Variants in HAVCR2 observed in about 807,000 individuals in gnomAD.
HAVCR2 encodes T cell immunoglobulin mucin 3.
Under a neutral mutation model 24.7 loss-of-function variants are expected in HAVCR2, and 13 were observed. The ratio of observed to expected loss-of-function variants is 0.53; its 90% confidence interval spans 0.34 to 0.84. HAVCR2 has a LOEUF of 0.84. Among genes scored for constraint, HAVCR2 ranks in the 40% least tolerant of loss-of-function variants. HAVCR2 has a pLI of 0.01. For missense variants in HAVCR2, 343 were observed against 371.2 expected (o/e 0.92, Z 0.62); for synonymous variants, 154 against 143.4 (o/e 1.07, Z -0.53).
At chr5:157,107,868 C>G (rs539709777) in intron 1 of HAVCR2, among the ~76,000 whole-genome samples, 33 of 149,780 alleles carry the variant, frequency 2.2e-4, no homozygotes, top group African/African-American at 6.1e-4. Context: ...TGCCCCCCCC[C>G]CTTTTTTATG....
chr5:157,087,356 A>G (rs1444301324), intron 6 of HAVCR2, 62 bp from the exon 7 acceptor site: 2 of 1,415,392 alleles, frequency 1.4e-6, no homozygotes, highest in East Asian at 4.7e-5. Flanking sequence ...AATAGAGTTA[A>G]GAGAATAGGC....
intron 5 of HAVCR2, among the ~76,000 whole-genome samples, chr5:157,091,173 G>A (rs759084088): frequency 2.6e-5 from 4 of 152,178 alleles, no homozygotes; most frequent in African/African-American, 9.6e-5. Context: ...GGCTGGGAAC[G>A]GTGGCTCACG....
intron 6 of HAVCR2, 68 bp from the exon 7 acceptor site, chr5:157,087,362 T>G: frequency 7.3e-7 from 1 of 1,367,674 alleles, no homozygotes; most frequent in Non-Finnish European, 1.0e-6. Context: ...GTTAAGAGAA[T>G]AGGCTTTCCC....
In HAVCR2 at chr5:157,087,163, C is replaced by A. The variant is rs576858926; in HGVS notation, c.845G>T (p.Cys282Phe). Residue 282 changes from cysteine to phenylalanine, a missense_variant, in exon 7 of 7, where the codon TGC (cysteine) becomes TTC (phenylalanine). Cys to Phe is a radical substitution (Grantham distance 205). Coordinates refer to ENST00000307851, the MANE Select transcript of HAVCR2 (RefSeq NM_032782.5). ...YEVEEPNEYY[C>F]YVSSRQQPSQ... is the part of the protein sequence containing the mutation. ...GGGTTGCTGCCTGCTGCTGACATAG[C>A]AATAATACTCATTGGGCTCCTCCAC... 1 of 1,614,106 alleles carries A rather than the reference C, an allele frequency of 6.2e-7. No individual in the cohort carries two copies. The highest frequency in any genetic ancestry group is 1.3e-5 in the African/African-American group (1 of 75,058).
intron 5 of HAVCR2, among the ~76,000 whole-genome samples, chr5:157,090,933 T>A (rs1481039488): frequency 6.6e-6 from 1 of 152,070 alleles, no homozygotes; most frequent in Non-Finnish European, 1.5e-5. Flanking sequence ...AGCCTCAAAC[T>A]CCTGGGCTCA....
At chr5:157,099,976 G>A (rs1211919844) in intron 3 of HAVCR2, among the ~76,000 whole-genome samples, 4 of 152,202 alleles carry the variant, frequency 2.6e-5, no homozygotes, top group African/African-American at 9.6e-5. Flanking sequence ...GATTACAGGC[G>A]TGAGCCACCG....
chr5:157,099,402 A>G (rs1390846443), intron 3 of HAVCR2, among the ~76,000 whole-genome samples: 2 of 151,274 alleles, frequency 1.3e-5, no homozygotes, highest in Admixed American at 6.6e-5. Context: ...GACTACATGC[A>G]TGCACCACCA....
At position 157,087,255 on chromosome 5, in the gene HAVCR2, T is replaced by C; in HGVS notation, c.753A>G (p.Ala251=). 1 of 1,612,612 alleles carries C rather than the reference T, an allele frequency of 6.2e-7. No individual in the cohort carries two copies. Residue 251 remains alanine, a synonymous_variant, in exon 7 of 7, where the codon GCA becomes GCG. Transcript: ENST00000307851. The part of the protein sequence containing the change: ...SLANLPPSGL[A]NAVAEGIRSE... The stretch of plus-strand genomic sequence containing the variant: ...AGCGAATTCCCTCTGCTACTGCATT[T>C]GCCAATCCTGAGGGAGGGAGGTTGG...
chr5:157,095,712 A>AC (rs1336885916), intron 4 of HAVCR2, among the ~76,000 whole-genome samples: 4 of 151,254 alleles, frequency 2.6e-5, no homozygotes, highest in Non-Finnish European at 4.4e-5. Flanking sequence ...GCTCTTAAAA[A>AC]AAAAAAAAAA....
chr5:157,097,146 G>A (rs1287112519), intron 4 of HAVCR2, among the ~76,000 whole-genome samples: 3 of 152,060 alleles, frequency 2.0e-5, no homozygotes, highest in Non-Finnish European at 4.4e-5. Flanking sequence ...CTGTTTGATT[G>A]CAAAGAGAGA....
intron 5 of HAVCR2, among the ~76,000 whole-genome samples, chr5:157,092,650 T>C (rs1757021241): frequency 1.3e-5 from 2 of 151,372 alleles, no homozygotes; most frequent in African/African-American, 2.4e-5. Context: ...TTCTCCACGT[T>C]GGTCAGGCTG....
intron 5 of HAVCR2, among the ~76,000 whole-genome samples, chr5:157,095,070 T>A (rs548616018): frequency 1.5e-4 from 23 of 152,310 alleles, no homozygotes; most frequent in Non-Finnish European, 3.1e-4. Flanking sequence ...CTATTCCTTA[T>A]CTCATAAGAC....
Position 157,086,050 on chromosome 5 carries a change from C to T in HAVCR2, c.*1052G>A, listed in dbSNP as rs1047998948. The stretch of plus-strand genomic sequence containing the variant: ...AGAATTTGTGTCCCCGTCACTGCTT[C>T]TTCTTCTGTGAAAAATATAGCTTCA... On this transcript the variant is annotated 3_prime_UTR_variant, in exon 7 of 7. Coordinates refer to ENST00000307851, the MANE Select transcript of HAVCR2 (RefSeq NM_032782.5). 6.6e-6 allele frequency: 1 copy of T among 152,208 alleles called. No homozygotes were observed. The highest frequency in any genetic ancestry group is 1.5e-5 in the Non-Finnish European group (1 of 68,052). The allele number at this position is 152,208 out of a possible 1,614,324, so 9.4% of individuals were successfully genotyped here.
chr5:157,096,229 C>CA (rs386405404), intron 4 of HAVCR2, among the ~76,000 whole-genome samples: 68,230 of 90,954 alleles, frequency 0.75, 24,682 homozygotes, highest in East Asian at 0.89. Context: ...GACTCCATCT[C>CA]AAAAAAAAAA....
In HAVCR2 at chr5:157,089,009, T is replaced by G. The variant is rs375798988; in HGVS notation, c.677-32A>C. 52 of 1,580,064 alleles carry G rather than the reference T, an allele frequency of 3.3e-5. No individual in the cohort carries two copies. In the African/African-American group the frequency reaches 6.5e-4, roughly 20 times the overall value. The stretch of plus-strand genomic sequence containing the variant: ...AGGGGGAAACAAAAGCCAATAAAAA[T>G]GCATTCATAAAATAAATGAGACAAG... On this transcript the variant is annotated intron_variant, in intron 5 of 6. Coordinates refer to ENST00000307851, the MANE Select transcript of HAVCR2 (RefSeq NM_032782.5).
intron 5 of HAVCR2, 86 bp downstream of exon 5, chr5:157,095,220 A>G: frequency 7.0e-7 from 1 of 1,430,098 alleles, no homozygotes; most frequent in Non-Finnish European, 9.7e-7. Flanking sequence ...TTGGGTATAA[A>G]CATGAATTTG....
Position 157,106,779 on chromosome 5 carries a change from C to T in HAVCR2, c.242G>A (p.Arg81Lys). Residue 81 changes from arginine (R) to lysine (K), a missense_variant, in exon 2 of 7, where the codon AGA (arginine) becomes AAA (lysine). Transcript: ENST00000307851. ...DERDVNYWTS[R>K]YWLNGDFRKG... ...GCGGAAATCCCCATTTAGCCAGTAT[C>T]TGGATGTCCAATAATTCACATCCCT... The T allele has an allele frequency of 6.2e-7, 1 of 1,614,212 alleles. No individual in the cohort carries two copies. Among genetic ancestry groups the T allele is most frequent in the South Asian group, 1.1e-5 (1 of 91,086 alleles).
At chr5:157,098,941 C>A (rs777108346) in intron 3 of HAVCR2, 40 bp from the exon 4 acceptor site, 1 of 1,560,376 alleles carries the variant, frequency 6.4e-7, no homozygotes, top group Middle Eastern at 1.7e-4. Context: ...GGAAAAATAG[C>A]CAATAGTATA....
At chr5:157,106,993 C>A in intron 1 of HAVCR2, 31 bp from the exon 2 acceptor site, 2 of 1,563,856 alleles carry the variant, frequency 1.3e-6, no homozygotes, top group Admixed American at 1.8e-5. Context: ...AGCCAAGACT[C>A]AAGCGGTGAG....
Sources: gnomAD v4.1 joint callset for allele counts (sites outside exome capture counted in the v4.1 genomes callset) on GRCh38, gnomAD v4.1.1 for gene constraint, MANE v1.5 for transcripts, NCBI Gene and HGNC (gene_info 2026-07-23, HGNC 2026-07-21) for gene names.